AFF2: variants seen among roughly 807,000 people sequenced by gnomAD.
AFF2 encodes the protein AF4/FMR2 family member 2.
AFF2 carries 14 observed loss-of-function variants against 76.9 expected under a neutral mutation model. The observed-to-expected ratio is 0.18, with a 90% confidence interval of 0.12 to 0.28. The LOEUF (loss-of-function observed/expected upper bound fraction) is 0.28. Among genes scored for constraint, AFF2 ranks in the 10% least tolerant of loss-of-function variants. AFF2 has a pLI of 1.00. For missense variants in AFF2, 868 were observed against 1,001.1 expected (o/e 0.87, Z 1.79); for synonymous variants, 398 against 366.7 (o/e 1.09, Z -0.98).
At chrX:148,885,832 G>A (rs2071152084) in intron 7 of AFF2, 57 bp from the exon 8 acceptor site, 11 of 976,080 alleles carry the variant, frequency 1.1e-5, no homozygotes, top group Admixed American at 6.6e-5. Flanking sequence ...AGATGTATCC[G>A]AGGATGATTT....
chrX:148,800,505 A>G (rs1441792903), intron 3 of AFF2, among the ~76,000 whole-genome samples: 1 of 112,416 alleles, frequency 8.9e-6, no homozygotes, highest in Non-Finnish European at 1.9e-5. Context: ...TTTATTTGTA[A>G]GAAGACCATT....
At position 148,996,185 on chromosome X, in the gene AFF2, A is replaced by G. The variant is rs1557293089; in HGVS notation, c.*4853A>G. The G allele has an allele frequency of 8.9e-6, 1 of 112,487 alleles. No individual in the cohort carries two copies. The highest frequency in any genetic ancestry group is 1.9e-5 in the Non-Finnish European group (1 of 53,336). 9.3% of individuals were successfully genotyped at this position (112,487 alleles called of 1,213,427 possible). On this transcript the variant is annotated 3_prime_UTR_variant, in exon 21 of 21. Transcript: ENST00000370460. ...TGCAGTGTTTATGAAATTGGGAGGA[A>G]GGAGACCCTGGACAGTAAGCAAAAT...
intron 3 of AFF2, among the ~76,000 whole-genome samples, chrX:148,671,180 CT>C (rs781793101): frequency 9.0e-6 from 1 of 111,460 alleles, no homozygotes; most frequent in East Asian, 2.8e-4. Context: ...TTGTTTAACA[CT>C]TTTTTTGGTT....
chrX:148,581,342 A>C (rs868974000), intron 1 of AFF2, among the ~76,000 whole-genome samples: 1 of 85,059 alleles, frequency 1.2e-5, no homozygotes, highest in Non-Finnish European at 2.4e-5. Flanking sequence ...ACGTATACGT[A>C]TACGTGTACA....
At chrX:148,568,851 A>C (rs2053198503) in intron 1 of AFF2, among the ~76,000 whole-genome samples, 1 of 111,861 alleles carries the variant, frequency 8.9e-6, no homozygotes, top group Admixed American at 9.6e-5. Flanking sequence ...AAAATATATC[A>C]CAGGAAAACA....
intron 3 of AFF2, among the ~76,000 whole-genome samples, chrX:148,736,247 G>A (rs1263982858): frequency 8.9e-6 from 1 of 111,969 alleles, no homozygotes; most frequent in Admixed American, 9.5e-5. Context: ...GTGTAGAAGT[G>A]TTCCCTGGTC....
intron 9 of AFF2, among the ~76,000 whole-genome samples, chrX:148,922,542 C>T (rs1557283319): frequency 1.8e-5 from 2 of 112,034 alleles, no homozygotes; most frequent in Admixed American, 1.9e-4. Flanking sequence ...AATATGGTTT[C>T]GATTTTGGGA....
chrX:148,973,448 G>A, intron 15 of AFF2, 23 bp from the exon 16 acceptor site: 3 of 1,209,668 alleles, frequency 2.5e-6, no homozygotes, highest in Non-Finnish European at 2.2e-6. Context: ...GTATTATCTT[G>A]ACGAGTCATC....
intron 4 of AFF2, among the ~76,000 whole-genome samples, chrX:148,824,091 C>T (rs1454630038): frequency 2.7e-5 from 3 of 109,769 alleles, no homozygotes; most frequent in Non-Finnish European, 5.7e-5. Flanking sequence ...CTCTTCCTCT[C>T]TCACTCTCTC....
intron 3 of AFF2, among the ~76,000 whole-genome samples, chrX:148,795,074 T>C: frequency 8.9e-6 from 1 of 112,361 alleles, no homozygotes; most frequent in Non-Finnish European, 1.9e-5. Context: ...GGGAGGGGGA[T>C]AACAGATGGA....
chrX:148,757,597 T>A (rs2069389255), intron 3 of AFF2, among the ~76,000 whole-genome samples: 1 of 111,375 alleles, frequency 9.0e-6, no homozygotes, highest in African/African-American at 3.3e-5. Flanking sequence ...ATAACCTAGA[T>A]TAGATCTTTA....
intron 7 of AFF2, among the ~76,000 whole-genome samples, chrX:148,847,535 G>T (rs782444392): frequency 3.0e-4 from 33 of 111,464 alleles, no homozygotes; most frequent in Non-Finnish European, 5.5e-4. Context: ...CATAATGTTG[G>T]TTTTTTTTAA....
intron 4 of AFF2, among the ~76,000 whole-genome samples, chrX:148,820,800 A>C (rs2070319534): frequency 9.0e-6 from 1 of 111,506 alleles, no homozygotes; most frequent in Non-Finnish European, 1.9e-5. Context: ...CCTGAACTTA[A>C]ATAAAAATGA....
At chrX:148,620,607 C>T (rs1315944255) in intron 1 of AFF2, among the ~76,000 whole-genome samples, 3 of 110,292 alleles carry the variant, frequency 2.7e-5, no homozygotes, top group African/African-American at 9.9e-5. Flanking sequence ...ACATTCTCAT[C>T]AGAAGACCTG....
chrX:148,781,759 C>T lies in AFF2; in HGVS notation c.1042-28117C>T, dbSNP rs1448215188. Among the ~76,000 whole-genome samples, 51 of 111,478 alleles carry T rather than the reference C, an allele frequency of 4.6e-4. 1 individual carries two copies. Among genetic ancestry groups the T allele is most frequent in the African/African-American group, 1.5e-3 (47 of 30,661 alleles). On this transcript the variant is annotated intron_variant, in intron 3 of 20. Transcript: ENST00000370460. ...GCCACTGGGATATGAAGAAAAAGCT[C>T]CTGCAGCTAGCTCGGTGTCTGCCCA... is the stretch of plus-strand genomic sequence containing the variant.
At chrX:148,753,930 C>T (rs1352036477) in intron 3 of AFF2, among the ~76,000 whole-genome samples, 8 of 111,435 alleles carry the variant, frequency 7.2e-5, no homozygotes, top group African/African-American at 6.5e-5. Flanking sequence ...AATCTTACTA[C>T]GTATGTCTAG....
At chrX:148,681,536 ATGTGTGTGTGTGTG>A (rs35711893) in intron 3 of AFF2, among the ~76,000 whole-genome samples, 1 of 98,023 alleles carries the variant, frequency 1.0e-5, no homozygotes, top group African/African-American at 3.8e-5. Flanking sequence ...GTGCTAAAAG[ATGTGTGTGTGTGTG>A]TGTGTGTGTG....
chrX:148,733,508 G>A (rs892560334), intron 3 of AFF2, among the ~76,000 whole-genome samples: 6 of 111,121 alleles, frequency 5.4e-5, no homozygotes, highest in Non-Finnish European at 1.1e-4. Context: ...TTGGAACTCC[G>A]TAGGCTTGCC....
intron 1 of AFF2, among the ~76,000 whole-genome samples, chrX:148,551,482 G>GAAAAAAAAAAAAAAAA (rs781883999): frequency 1.1e-4 from 4 of 38,002 alleles, no homozygotes; most frequent in Non-Finnish European, 1.4e-4. Flanking sequence ...GCTGGGAAGT[G>GAAAAAAAAAAAAAAAA]AAAAAAAAAA....
Sources: allele counts gnomAD v4.1 joint callset (sites outside exome capture counted in the v4.1 genomes callset), GRCh38; gene constraint gnomAD v4.1.1; transcripts MANE v1.5; gene names NCBI Gene and HGNC (gene_info 2026-07-23, HGNC 2026-07-21).